Variants in ULK2 observed in about 807,000 individuals in gnomAD.
The protein encoded by ULK2 is serine/threonine-protein kinase ULK2.
A neutral mutation model predicts 127.5 loss-of-function variants in ULK2; 76 were observed. The ratio of observed to expected loss-of-function variants is 0.60; its 90% CI spans 0.50 to 0.72. ULK2 has a LOEUF of 0.72. Ranked by LOEUF, ULK2 falls within the 30% of genes least tolerant of loss-of-function variation. ULK2 has a pLI of 0.00. For synonymous variants in ULK2, 452 were observed against 461.9 expected, an observed-to-expected ratio of 0.98 and a Z score of 0.28; for missense variants, 1,144 against 1,295.9, an observed-to-expected ratio of 0.88 and a Z score of 1.80.
chr17:19,826,000 A>T (rs867772342), intron 11 of ULK2, 139 bp downstream of exon 11: 4 of 169,980 alleles, frequency 2.4e-5, no homozygotes, highest in Non-Finnish European at 5.0e-5. Context: ...AAAAAAAAAA[A>T]AAAATAAATA....
In ULK2 at chr17:19,826,183, G is replaced by C; in HGVS notation, c.791C>G (p.Ala264Gly). ...RNQKDRMDFE[A>G]FFSHPFLEQG... ...CTCAAGAAAAGGATGGCTAAAAAAT[G>C]CTTCTGTAACAAGAAATGAGAATGC... The change falls in exon 11 of 27, where the codon GCA (alanine) becomes GGA (glycine). Residue 264 changes from alanine to glycine, a missense_variant. Ala to Gly is a moderately conservative substitution (Grantham distance 60, BLOSUM62 0). Around this residue, in one of 2 missense-constraint regions of ULK2, gnomAD observed 913 missense variants for 970.5 expected, o/e 0.94. Coordinates refer to ENST00000395544, the MANE Select transcript of ULK2 (RefSeq NM_014683.4). 1 of 1,448,244 alleles carries C rather than the reference G, an allele frequency of 6.9e-7. No individual in the cohort carries two copies. The highest frequency in any genetic ancestry group is 9.2e-7 in the Non-Finnish European group (1 of 1,086,060). The allele number at this position is 1,448,244 out of a possible 1,614,324, so 89.7% of individuals were successfully genotyped here.
At chr17:19,816,498 TACAA>T (rs2040991758) in intron 13 of ULK2, 3 of 266,750 alleles carry the variant, frequency 1.1e-5, no homozygotes, top group Non-Finnish European at 1.4e-5. Context: ...TCTGTTTGGA[TACAA>T]ACAGAATTTG....
chr17:19,797,802 C>T, intron 17 of ULK2, 120 bp from the exon 18 acceptor site: 3 of 1,015,706 alleles, frequency 3.0e-6, no homozygotes, highest in South Asian at 2.4e-5. Context: ...TTTCATAAGA[C>T]ATTCTAAAAG....
At chr17:19,793,948 C>T (rs1164655706) in intron 20 of ULK2, among the ~76,000 whole-genome samples, 2 of 152,094 alleles carry the variant, frequency 1.3e-5, no homozygotes, top group African/African-American at 4.8e-5. Context: ...AATTAATATA[C>T]TAAGGGCTCT....
intron 3 of ULK2, among the ~76,000 whole-genome samples, chr17:19,855,352 C>G (rs570366989): frequency 6.6e-6 from 1 of 150,580 alleles, no homozygotes; most frequent in South Asian, 2.1e-4. Context: ...TGCAGTGAGC[C>G]GAGATCGCGC....
At position 19,843,211 on chromosome 17, in the gene ULK2, A is replaced by G; in HGVS notation, c.555T>C (p.Val185=). 1 of 1,577,782 alleles carries G rather than the reference A, an allele frequency of 6.3e-7. No homozygotes were observed. Among genetic ancestry groups the G allele is most frequent in the East Asian group, 2.3e-5 (1 of 43,654 alleles). ...TAGCATCATAATGTTGAGACATAAT[A>G]ACCTCAGGAGCCTGGGAACAGAAAA... The part of the protein sequence containing the change: ...CGSPMYMAPE[V]IMSQHYDAKA... The change falls in exon 8 of 27, where the codon GTT becomes GTC. Residue 185 remains valine, a synonymous_variant. Transcript: ENST00000395544.
intron 20 of ULK2, among the ~76,000 whole-genome samples, chr17:19,786,511 C>T (rs886127101): frequency 1.1e-4 from 16 of 151,966 alleles, no homozygotes; most frequent in Non-Finnish European, 2.4e-4. Flanking sequence ...GTCAGGAGTT[C>T]GAGACCAGCC....
chr17:19,839,964 T>TACACACAC (rs60058833), intron 9 of ULK2, among the ~76,000 whole-genome samples: 116 of 147,700 alleles, frequency 7.9e-4, no homozygotes, highest in African/African-American at 2.6e-3. Flanking sequence ...TACACACACA[T>TACACACAC]ACACACACAC....
chr17:19,822,911 ATCCCGGTCTCATGATCT>A (rs1216314563), intron 12 of ULK2, among the ~76,000 whole-genome samples: 2 of 150,502 alleles, frequency 1.3e-5, no homozygotes, highest in African/African-American at 4.9e-5. Flanking sequence ...CGGTCTTGAT[ATCCCGGTCTCATGATCT>A]GGCCACCTCA....
intron 18 of ULK2, 37 bp from the exon 19 acceptor site, chr17:19,796,319 G>C: frequency 6.5e-7 from 1 of 1,532,954 alleles, no homozygotes; most frequent in Non-Finnish European, 8.8e-7. Flanking sequence ...ATGTAAACTA[G>C]TTAATACGAT....
intron 10 of ULK2, among the ~76,000 whole-genome samples, chr17:19,837,246 T>C (rs1224330415): frequency 6.6e-6 from 1 of 151,914 alleles, no homozygotes; most frequent in African/African-American, 2.4e-5. Context: ...GACGAAACCC[T>C]GTCTCTACAA....
chr17:19,840,395 C>A, intron 9 of ULK2: 1 of 516,174 alleles, frequency 1.9e-6, no homozygotes. Context: ...CACTCTTGGG[C>A]GCTCTGTGTG....
chr17:19,850,043 T>C (rs1056526463), intron 3 of ULK2, among the ~76,000 whole-genome samples: 4 of 152,184 alleles, frequency 2.6e-5, no homozygotes, highest in Admixed American at 1.3e-4. Flanking sequence ...ATCTTTTGGT[T>C]ATGATTGACC....
chr17:19,791,844 CAAAAAAAAA>C (rs58434256), intron 20 of ULK2, among the ~76,000 whole-genome samples: 4 of 48,254 alleles, frequency 8.3e-5, no homozygotes, highest in East Asian at 4.5e-4. Flanking sequence ...ACCCTGTTTA[CAAAAAAAAA>C]AAAAAAAAAA....
intron 6 of ULK2, 56 bp from the exon 7 acceptor site, chr17:19,845,433 A>G (rs1388090534): frequency 1.6e-6 from 2 of 1,281,560 alleles, no homozygotes; most frequent in Non-Finnish European, 2.3e-6. Flanking sequence ...CATACCTAAC[A>G]TATATCATAT....
At chr17:19,799,111 A>G (rs955756544) in intron 17 of ULK2, among the ~76,000 whole-genome samples, 3 of 151,668 alleles carry the variant, frequency 2.0e-5, no homozygotes, top group Non-Finnish European at 4.4e-5. Flanking sequence ...CAGTGAGCCA[A>G]GATCATGCCA....
chr17:19,865,480 C>T (rs2042332955), intron 2 of ULK2, among the ~76,000 whole-genome samples: 1 of 152,052 alleles, frequency 6.6e-6, no homozygotes, highest in Non-Finnish European at 1.5e-5. Context: ...TCTTCTCAAA[C>T]AACAACACAG....
intron 3 of ULK2, among the ~76,000 whole-genome samples, chr17:19,850,579 C>T (rs1048394298): frequency 5.3e-5 from 8 of 152,196 alleles, no homozygotes; most frequent in African/African-American, 1.7e-4. Flanking sequence ...GTAATCCCAG[C>T]ACTTTGGGAG....
intron 13 of ULK2, among the ~76,000 whole-genome samples, chr17:19,814,812 C>T (rs1046084409): frequency 1.3e-5 from 2 of 152,086 alleles, no homozygotes; most frequent in East Asian, 1.9e-4. Flanking sequence ...TCCCAAACTA[C>T]TGGGATTACA....
Sources: allele counts gnomAD v4.1 joint callset (sites outside exome capture counted in the v4.1 genomes callset), GRCh38; gene constraint gnomAD v4.1.1; regional missense constraint gnomAD v4.1.1; transcripts MANE v1.5; gene names NCBI Gene and HGNC (gene_info 2026-07-23, HGNC 2026-07-21).